UBE2E2: variants seen among roughly 807,000 people sequenced by gnomAD.
UBE2E2 encodes ubiquitin conjugating enzyme E2 E2.
UBE2E2 carries 6 observed loss-of-function variants against 24.7 expected under a neutral mutation model. The observed-to-expected ratio is 0.24, with a 90% CI of 0.13 to 0.48. UBE2E2 has a LOEUF of 0.48. Among genes scored for constraint, UBE2E2 ranks in the 20% least tolerant of loss-of-function variants. The pLI is 0.99. For synonymous variants in UBE2E2, 104 were observed against 83.6 expected (o/e 1.24, Z -1.33); for missense variants, 169 against 245.0 (o/e 0.69, Z 2.07).
chr3:23,588,062 A>G (rs187172050), intron 5 of UBE2E2, among the ~76,000 whole-genome samples: 47 of 152,330 alleles, frequency 3.1e-4, no homozygotes, highest in South Asian at 2.1e-3. Context: ...TGGTGTTTCT[A>G]TTATACCTTT....
intron 3 of UBE2E2, among the ~76,000 whole-genome samples, chr3:23,457,003 AAGG>A (rs1698694014): frequency 6.6e-6 from 1 of 152,308 alleles, no homozygotes; most frequent in Non-Finnish European, 1.5e-5. Flanking sequence ...AGGATTCAGC[AAGG>A]AGATTTTATT....
chr3:23,391,940 C>G (rs777978734), intron 3 of UBE2E2, among the ~76,000 whole-genome samples: 2 of 152,170 alleles, frequency 1.3e-5, no homozygotes, highest in Non-Finnish European at 2.9e-5. Flanking sequence ...AGATATTCCT[C>G]AGGAATATCT....
At chr3:23,487,211 G>C (rs559502582) in intron 3 of UBE2E2, among the ~76,000 whole-genome samples, 1 of 152,350 alleles carries the variant, frequency 6.6e-6, no homozygotes, top group East Asian at 1.9e-4. Context: ...CCCAGGCTCA[G>C]CTACAGCTTT....
chr3:23,215,598 G>T (rs571723154), intron 2 of UBE2E2, among the ~76,000 whole-genome samples: 1 of 151,850 alleles, frequency 6.6e-6, no homozygotes, highest in Non-Finnish European at 1.5e-5. Flanking sequence ...CTGTTTTATT[G>T]GTATACACTC....
intron 3 of UBE2E2, among the ~76,000 whole-genome samples, chr3:23,455,339 A>G (rs1410985659): frequency 2.0e-5 from 3 of 152,156 alleles, no homozygotes; most frequent in Admixed American, 2.0e-4. Context: ...AGTGCATCCA[A>G]AAATTATGTT....
At chr3:23,487,056 G>T (rs553226249) in intron 3 of UBE2E2, among the ~76,000 whole-genome samples, 89 of 152,350 alleles carry the variant, frequency 5.8e-4, no homozygotes, top group Middle Eastern at 3.4e-3. Context: ...GCAGGCCCAT[G>T]CTGAGCTTCC....
At chr3:23,400,414 C>T (rs1285619882) in intron 3 of UBE2E2, among the ~76,000 whole-genome samples, 1 of 152,182 alleles carries the variant, frequency 6.6e-6, no homozygotes, top group African/African-American at 2.4e-5. Flanking sequence ...AAGTGATCCT[C>T]TTGCCTCAGC....
intron 3 of UBE2E2, among the ~76,000 whole-genome samples, chr3:23,373,137 T>A (rs188546638): frequency 6.6e-6 from 1 of 152,222 alleles, no homozygotes; most frequent in East Asian, 1.9e-4. Context: ...ATGGAAACTG[T>A]CTCCCCTGAA....
At chr3:23,243,161 GA>G (rs1441537843) in intron 3 of UBE2E2, among the ~76,000 whole-genome samples, 1 of 151,900 alleles carries the variant, frequency 6.6e-6, no homozygotes, top group African/African-American at 2.4e-5. Context: ...AATAACTATT[GA>G]AGTTAAAGGA....
At chr3:23,384,570 TCTCA>T (rs1173551188) in intron 3 of UBE2E2, among the ~76,000 whole-genome samples, 2 of 152,198 alleles carry the variant, frequency 1.3e-5, no homozygotes, top group South Asian at 2.1e-4. Flanking sequence ...TGAGATGGAC[TCTCA>T]CTCTGTCACC....
intron 3 of UBE2E2, among the ~76,000 whole-genome samples, chr3:23,277,173 G>A (rs921610400): frequency 6.6e-6 from 1 of 151,774 alleles, no homozygotes; most frequent in African/African-American, 2.4e-5. Context: ...TAATATAGTG[G>A]GAGAATAAAA....
chr3:23,207,428 GA>G (rs34004449), intron 1 of UBE2E2, among the ~76,000 whole-genome samples: 39,769 of 146,476 alleles, frequency 0.27, 5,522 homozygotes, highest in Non-Finnish European at 0.32. Flanking sequence ...AGAATGTGGG[GA>G]AAAAAAAAAA....
chr3:23,300,206 C>T (rs1375950840), intron 3 of UBE2E2, among the ~76,000 whole-genome samples: 2 of 152,192 alleles, frequency 1.3e-5, no homozygotes. Flanking sequence ...TTCCTGAATA[C>T]AGCACACTGG....
chr3:23,536,403 A>G (rs537153893), intron 5 of UBE2E2, among the ~76,000 whole-genome samples: 1 of 152,274 alleles, frequency 6.6e-6, no homozygotes, highest in South Asian at 2.1e-4. Flanking sequence ...ATAGGTCTGT[A>G]TATCATCTAG....
chr3:23,520,278 C>T (rs908776801), intron 4 of UBE2E2, among the ~76,000 whole-genome samples: 1 of 152,060 alleles, frequency 6.6e-6, no homozygotes, highest in African/African-American at 2.4e-5. Context: ...TAATAGTACC[C>T]ACCTTACAGG....
intron 3 of UBE2E2, among the ~76,000 whole-genome samples, chr3:23,354,943 G>A (rs557030972): frequency 3.3e-5 from 5 of 151,856 alleles, no homozygotes; most frequent in South Asian, 2.1e-4. Context: ...TGTTTATTGC[G>A]GCACTATTCA....
chr3:23,274,631 T>A (rs1032206573), intron 3 of UBE2E2, among the ~76,000 whole-genome samples: 3 of 152,170 alleles, frequency 2.0e-5, no homozygotes, highest in Non-Finnish European at 1.5e-5. Context: ...CCTCCCAAAG[T>A]GCTGGGATTA....
chr3:23,395,004 C>T (rs1697041463), intron 3 of UBE2E2, among the ~76,000 whole-genome samples: 1 of 152,140 alleles, frequency 6.6e-6, no homozygotes, highest in Non-Finnish European at 1.5e-5. Context: ...AAGCCCTCCT[C>T]TTCTGAAATA....
rs1490274422 is a variant in UBE2E2 at position 23,287,670 on chromosome 3, A to G, written c.227+70358A>G. On this transcript the variant is annotated intron_variant, in intron 3 of 5. Transcript: ENST00000396703. The stretch of plus-strand genomic sequence containing the variant: ...TTGGTAGGTTGTATGTGTCTAGGAA[A>G]TCATCTGTTTCTTCTAGGTTTTCAG... 4.6e-5 allele frequency among the ~76,000 whole-genome samples: 7 copies of G among 151,294 alleles called. 1 individual carries two copies. The highest frequency in any genetic ancestry group is 3.9e-4 in the Admixed American group (6 of 15,200).
Sources: allele counts gnomAD v4.1 joint callset (sites outside exome capture counted in the v4.1 genomes callset), GRCh38; gene constraint gnomAD v4.1.1; transcripts MANE v1.5; gene names NCBI Gene and HGNC (gene_info 2026-07-23, HGNC 2026-07-21).